The following ADAM19 variants were observed in gnomAD, a reference collection of about 807,000 sequenced individuals.
ADAM19 encodes the protein disintegrin and metalloproteinase domain-containing protein 19.
Under a neutral mutation model 114.7 loss-of-function variants are expected in ADAM19, and 65 were observed. That is an observed-to-expected ratio of 0.57 (90% CI 0.46 to 0.70). The LOEUF (loss-of-function observed/expected upper bound fraction) is 0.70. Ranked by LOEUF, ADAM19 falls within the 30% of genes least tolerant of loss-of-function variation. ADAM19 has a pLI of 0.00. For synonymous variants in ADAM19, 466 were observed against 460.5 expected, an observed-to-expected ratio of 1.01 and a Z score of -0.15; for missense variants, 1,063 against 1,204.7, an observed-to-expected ratio of 0.88 and a Z score of 1.74.
At chr5:157,539,723 TTC>T (rs1360836842) in intron 3 of ADAM19, among the ~76,000 whole-genome samples, 1 of 152,112 alleles carries the variant, frequency 6.6e-6, no homozygotes, top group African/African-American at 2.4e-5. Flanking sequence ...TCCCAGTCCT[TTC>T]TCTTTCTCCT....
chr5:157,573,969 C>T (rs936074308), intron 1 of ADAM19, among the ~76,000 whole-genome samples: 6 of 152,094 alleles, frequency 3.9e-5, no homozygotes, highest in South Asian at 2.1e-4. Context: ...TAAATCTTGG[C>T]CACATTTGTA....
chr5:157,542,151 C>T (rs982059232), intron 3 of ADAM19, among the ~76,000 whole-genome samples: 1 of 152,156 alleles, frequency 6.6e-6, no homozygotes, highest in South Asian at 2.1e-4. Flanking sequence ...ATAATGTTCT[C>T]ACCATGCGAC....
At chr5:157,555,417 C>T (rs1043612704) in intron 3 of ADAM19, among the ~76,000 whole-genome samples, 11 of 152,128 alleles carry the variant, frequency 7.2e-5, no homozygotes, top group African/African-American at 2.4e-4. Flanking sequence ...AGAACATGAC[C>T]CGGAACTTGG....
rs2113676077 is a variant in ADAM19, at chr5:157,477,375, C to T, written c.*3574G>A. On this transcript the variant is annotated 3_prime_UTR_variant, in exon 23 of 23. Coordinates refer to ENST00000257527, the MANE Select transcript of ADAM19 (RefSeq NM_033274.5). ...AGGAAAAAAGGCACCATGGCCCATT[C>T]AAGTATTTTGCATAGATGTACAAAT... is the stretch of plus-strand genomic sequence containing the variant. The T allele has an allele frequency of 1.0e-6, 1 of 1,000,678 alleles. No homozygotes were observed. The highest frequency in any genetic ancestry group is 5.6e-5 in the Admixed American group (1 of 17,956). The allele number at this position is 1,000,678 out of a possible 1,614,324, so 62.0% of individuals were successfully genotyped here. A position where few individuals can be genotyped will look rare whatever the true frequency, so the allele number is the denominator to read the frequency against.
At position 157,509,313 on chromosome 5, in the gene ADAM19, G is replaced by A; in HGVS notation, c.893C>T (p.Ala298Val). 2 of 1,608,954 alleles carry A rather than the reference G, an allele frequency of 1.2e-6. No homozygotes were observed. Among genetic ancestry groups the A allele is most frequent in the Non-Finnish European group, 1.7e-6 (2 of 1,176,948 alleles). Residue 298 changes from alanine to valine, a missense_variant, in exon 9 of 23, where the codon GCC (alanine) becomes GTC (valine). By Grantham distance (64) the Ala-to-Val change is moderately conservative. Transcript: ENST00000257527. ...KLLAQKYHDN[A>V]QLITGMSFHG... ...AAAGGCTATTTACGTGATTAATTGG[G>A]CGTTGTCATGGTACTTCTGGGCAAG...
At position 157,481,103 on chromosome 5, in the gene ADAM19, C is replaced by T. The variant is rs932390761; in HGVS notation, c.2704-101G>A. 7.4e-6 allele frequency: 11 copies of T among 1,478,056 alleles called. No homozygotes were observed. In the African/African-American group the frequency reaches 8.3e-5, roughly 11 times the overall value. 91.6% of individuals were successfully genotyped at this position (1,478,056 alleles called of 1,614,324 possible). A position where few individuals can be genotyped will look rare whatever the true frequency, so the allele number is the denominator to read the frequency against. ...CCCGATTTTAGAAGGAAGGATGGACCACCCACTGAGAACAAAGGCTTCTTG... is the reference window on the plus strand; with the variant it reads ...CCCGATTTTAGAAGGAAGGATGGACTACCCACTGAGAACAAAGGCTTCTTG... On this transcript the variant is annotated intron_variant, in intron 22 of 22. Coordinates refer to ENST00000257527, the MANE Select transcript of ADAM19 (RefSeq NM_033274.5).
At chr5:157,530,925 T>G (rs768229346) in intron 4 of ADAM19, 42 bp from the exon 5 acceptor site, 1 of 1,519,910 alleles carries the variant, frequency 6.6e-7, no homozygotes, top group African/African-American at 1.4e-5. Context: ...AGAACACTGA[T>G]AAGCATGGCA....
intron 5 of ADAM19, among the ~76,000 whole-genome samples, chr5:157,521,899 C>T (rs1756300851): frequency 6.6e-6 from 1 of 152,224 alleles, no homozygotes; most frequent in African/African-American, 2.4e-5. Context: ...TGACCACCAA[C>T]CAGCTGATGG....
rs536225573 is a variant in ADAM19, at chr5:157,569,380, G to A, written c.180+1515C>T. On this transcript the variant is annotated intron_variant, in intron 2 of 22. Transcript: ENST00000257527. ...CCACCTCAGCCTTCAGAGTAGCTGG[G>A]ACTACAGACACACACCCCTAGGTCT... Among the ~76,000 whole-genome samples, 43 of 145,668 alleles carry A rather than the reference G, an allele frequency of 3.0e-4. 1 individual carries two copies. The South Asian group carries it at 9.5e-3, about 32-fold the overall frequency.
chr5:157,573,729 G>T (rs867459323), intron 1 of ADAM19, among the ~76,000 whole-genome samples: 1 of 142,920 alleles, frequency 7.0e-6, no homozygotes, highest in African/African-American at 2.7e-5. Context: ...CTGGGCAACA[G>T]ATAGAGACTC....
intron 12 of ADAM19, 146 bp from the exon 13 acceptor site, chr5:157,499,808 G>C: frequency 1.7e-6 from 1 of 593,062 alleles, no homozygotes. Flanking sequence ...AGGGAGTCTC[G>C]ATCTGTCACC....
intron 4 of ADAM19, among the ~76,000 whole-genome samples, chr5:157,532,883 C>G (rs1756663860): frequency 6.6e-6 from 1 of 152,256 alleles, no homozygotes; most frequent in South Asian, 2.1e-4. Flanking sequence ...ACAACTCTCT[C>G]TGACCTTCAG....
chr5:157,520,688 T>C (rs868400982), intron 5 of ADAM19, among the ~76,000 whole-genome samples: 1 of 152,262 alleles, frequency 6.6e-6, no homozygotes, highest in African/African-American at 2.4e-5. Context: ...AGGGTCTTTG[T>C]GCTTGGAAAC....
In ADAM19 at chr5:157,537,122, G is replaced by A. The variant is rs528011550; in HGVS notation, c.330+791C>T. 4.6e-5 allele frequency among the ~76,000 whole-genome samples: 7 copies of A among 152,180 alleles called. No homozygotes were observed. In the East Asian group the frequency reaches 7.7e-4, roughly 17 times the overall value. ...CCAGTAGATCCTCCCTGCCAGTCAC[G>A]GCAATAAAAATTGCCTGCAAACATT... On this transcript the variant is annotated intron_variant, in intron 4 of 22. Coordinates refer to ENST00000257527, the MANE Select transcript of ADAM19 (RefSeq NM_033274.5).
intron 3 of ADAM19, among the ~76,000 whole-genome samples, chr5:157,559,314 G>A (rs1757452722): frequency 6.6e-6 from 1 of 152,238 alleles, no homozygotes; most frequent in African/African-American, 2.4e-5. Context: ...AGGAAGGACA[G>A]TGTATTGAAG....
At chr5:157,549,633 C>T (rs1388712558) in intron 3 of ADAM19, among the ~76,000 whole-genome samples, 2 of 152,228 alleles carry the variant, frequency 1.3e-5, no homozygotes, top group Non-Finnish European at 2.9e-5. Context: ...CAGTTCTTTA[C>T]TTTCAATTCT....
chr5:157,528,746 C>T (rs1040713873), intron 5 of ADAM19, among the ~76,000 whole-genome samples: 3 of 152,106 alleles, frequency 2.0e-5, no homozygotes, highest in East Asian at 1.9e-4. Context: ...GTTTCACCGA[C>T]GTAAGAGGAG....
At chr5:157,491,529 T>C in intron 18 of ADAM19, 86 bp downstream of exon 18, 1 of 932,526 alleles carries the variant, frequency 1.1e-6, no homozygotes, top group South Asian at 1.9e-5. Context: ...GCTGATTCAA[T>C]GTGGATGCTC....
chr5:157,484,051 G>A (rs1754849255), intron 21 of ADAM19, among the ~76,000 whole-genome samples: 1 of 151,016 alleles, frequency 6.6e-6, no homozygotes, highest in African/African-American at 2.4e-5. Context: ...TTGTCCATGT[G>A]TGTGGCACAT....
Sources: allele counts gnomAD v4.1 joint callset (sites outside exome capture counted in the v4.1 genomes callset), GRCh38; gene constraint gnomAD v4.1.1; transcripts MANE v1.5; gene names NCBI Gene and HGNC (gene_info 2026-07-23, HGNC 2026-07-21).